Variants in PSRC1 observed in about 807,000 individuals in gnomAD.
PSRC1 encodes proline/serine-rich coiled-coil protein 1.
A neutral mutation model predicts 31.9 loss-of-function variants in PSRC1; 30 were observed. The observed-to-expected ratio is 0.94, with a 90% CI of 0.70 to 1.28. The LOEUF is 1.28. Among genes scored for constraint, PSRC1 ranks in the 50% most tolerant of loss-of-function variants. The pLI is 0.00. For missense variants in PSRC1, 481 were observed against 472.8 expected (o/e 1.02, Z -0.16); for synonymous variants, 191 against 192.1 (o/e 0.99, Z 0.05).
chr1:109,282,469 A>T, intron 3 of PSRC1, 49 bp downstream of exon 3: 1 of 1,550,632 alleles, frequency 6.4e-7, no homozygotes. Flanking sequence ...GGGATTCGAG[A>T]CAAAGAGGTA....
At chr1:109,281,343 T>C in intron 4 of PSRC1, 92 bp from the exon 5 acceptor site, 1 of 1,148,012 alleles carries the variant, frequency 8.7e-7, no homozygotes, top group Non-Finnish European at 1.2e-6. Flanking sequence ...TGGAGAGTTG[T>C]CTACATCCCA....
chr1:109,280,759 TTCC>T lies in PSRC1; in HGVS notation c.994+15_994+17del. 6.5e-7 allele frequency: 1 copy of T among 1,539,314 alleles called. No individual in the cohort carries two copies. The highest frequency in any genetic ancestry group is 1.9e-4 in the Middle Eastern group (1 of 5,136). On this transcript the variant is annotated intron_variant, in intron 5 of 6. Transcript: ENST00000409138. ...ACACGCTGGGCAAGGGCGGGCATTCTTCCTCCTGACCTCTTACCCTTGTGTCCA... is the reference window on the plus strand; with the variant it reads ...ACACGCTGGGCAAGGGCGGGCATTCTTCCTGACCTCTTACCCTTGTGTCCA...
exon 6 of PSRC1, chr1:109,280,435 A>G: frequency 6.2e-7 from 1 of 1,613,510 alleles, no homozygotes; most frequent in South Asian, 1.1e-5. Flanking sequence ...GGGGGGCTGC[A>G]GATTGCTGCG....
rs1003283775 is a variant in PSRC1, at chr1:109,283,053, C to T, written c.-34+21G>A. The T allele has an allele frequency of 5.0e-6, 2 of 399,044 alleles. No individual in the cohort carries two copies. The highest frequency in any genetic ancestry group is 8.4e-5 in the Admixed American group (2 of 23,892). 24.7% of individuals were successfully genotyped at this position (399,044 alleles called of 1,614,324 possible). A position where few individuals can be genotyped will look rare whatever the true frequency, so the allele number is the denominator to read the frequency against. ...CTTTCCACTCCCCTGGCATCACACG[C>T]GAAGCACACCTCCAGCCCACCCTGT... On this transcript the variant is annotated intron_variant, in intron 1 of 6. Coordinates refer to ENST00000409138, the Ensembl canonical transcript of PSRC1.
At chr1:109,280,985 G>A (rs1331562596) in exon 5 of PSRC1, 1 of 1,611,300 alleles carries the variant, frequency 6.2e-7, no homozygotes, top group Non-Finnish European at 8.5e-7. Context: ...GCCGGGGCAG[G>A]CGTTGAGAGT....
chr1:109,281,348 A>T (rs1218138675), intron 4 of PSRC1, 97 bp from the exon 5 acceptor site: 9 of 1,112,662 alleles, frequency 8.1e-6, no homozygotes, highest in Non-Finnish European at 1.1e-5. Flanking sequence ...AGTTGTCTAC[A>T]TCCCAGTAAG....
intron 4 of PSRC1, 89 bp from the exon 5 acceptor site, chr1:109,281,340 T>G: frequency 1.7e-6 from 2 of 1,172,558 alleles, no homozygotes; most frequent in Non-Finnish European, 2.4e-6. Flanking sequence ...AGGTGGAGAG[T>G]TGTCTACATC....
chr1:109,283,077 G>A, exon 1 of PSRC1: 1 of 327,524 alleles, frequency 3.1e-6, no homozygotes, highest in East Asian at 5.8e-5. Context: ...AGCCCACCCT[G>A]TGTCCACTTC....
At chr1:109,281,466 A>G in intron 4 of PSRC1, 153 bp downstream of exon 4, 2 of 787,790 alleles carry the variant, frequency 2.5e-6, no homozygotes, top group South Asian at 3.6e-5. Context: ...CTGTGGTAAG[A>G]GTTTTGGTTC....
At chr1:109,280,977 C>G in exon 5 of PSRC1, 1 of 1,522,126 alleles carries the variant, frequency 6.6e-7, no homozygotes, top group African/African-American at 1.4e-5. Flanking sequence ...TCCCTGCGGC[C>G]GGGGCAGGCG....
exon 7 of PSRC1, chr1:109,280,135 C>A: frequency 1.2e-6 from 2 of 1,614,116 alleles, no homozygotes; most frequent in Non-Finnish European, 1.7e-6. Context: ...TGAAGTCTTG[C>A]TTGCTGTCCT....
chr1:109,282,715 CGA>C, exon 2 of PSRC1: 1 of 1,551,308 alleles, frequency 6.4e-7, no homozygotes, highest in South Asian at 1.2e-5. Context: ...CCAGCAGGAG[CGA>C]GAGTCCAGTT....
At chr1:109,281,334 G>A in intron 4 of PSRC1, 83 bp from the exon 5 acceptor site, 1 of 1,246,120 alleles carries the variant, frequency 8.0e-7, no homozygotes, top group Non-Finnish European at 1.1e-6. Flanking sequence ...AAATAGAGGT[G>A]GAGAGTTGTC....
chr1:109,280,596 C>A (rs1656904890), intron 5 of PSRC1, 107 bp from the exon 7 acceptor site: 2 of 1,018,844 alleles, frequency 2.0e-6, no homozygotes, highest in Middle Eastern at 4.3e-4. Flanking sequence ...CTCCCCCTGA[C>A]CATGAGGTAT....
chr1:109,280,896 A>G, exon 5 of PSRC1: 2 of 1,614,086 alleles, frequency 1.2e-6, no homozygotes, highest in Non-Finnish European at 1.7e-6. Context: ...CCGGCTGGTG[A>G]GTGGCATTCG....
chr1:109,280,398 G>C, exon 6 of PSRC1: 1 of 1,606,304 alleles, frequency 6.2e-7, no homozygotes, highest in Non-Finnish European at 8.5e-7. Flanking sequence ...AGACTGACCT[G>C]GTAGGTCCTG....
chr1:109,280,081 C>A, exon 7 of PSRC1: 1 of 1,610,188 alleles, frequency 6.2e-7, no homozygotes, highest in South Asian at 1.1e-5. Flanking sequence ...TCAGGGTCTG[C>A]TGGGTAGAGG....
intron 5 of PSRC1, 142 bp downstream of exon 6, chr1:109,280,635 G>T: frequency 1.0e-6 from 1 of 954,124 alleles, no homozygotes; most frequent in Non-Finnish European, 1.6e-6. Flanking sequence ...ACTCTGTCCA[G>T]CCCCATATCC....
At chr1:109,282,358 A>G in intron 3 of PSRC1, 160 bp downstream of exon 3, 1 of 658,400 alleles carries the variant, frequency 1.5e-6, no homozygotes, top group African/African-American at 1.8e-5. Flanking sequence ...TCTCCCCGCT[A>G]CCAATAGTGT....
Sources: allele counts gnomAD v4.1 joint callset, GRCh38; gene constraint gnomAD v4.1.1; transcripts MANE v1.5; gene names NCBI Gene and HGNC (gene_info 2026-07-23, HGNC 2026-07-21).